The following RALGPS2 variants were observed in gnomAD, a reference collection of about 807,000 sequenced individuals.
The protein encoded by RALGPS2 is Ral GEF with PH domain and SH3 binding motif 2.
Under a neutral mutation model 86.8 loss-of-function variants are expected in RALGPS2, and 43 were observed. That is an observed-to-expected ratio of 0.50 (90% confidence interval 0.39 to 0.64). The LOEUF is 0.64. Among genes scored for constraint, RALGPS2 ranks in the 30% least tolerant of loss-of-function variants. The pLI, the probability that RALGPS2 is intolerant of heterozygous loss-of-function variation, is 0.00. For synonymous variants in RALGPS2, 243 were observed against 231.3 expected (o/e 1.05, Z -0.46); for missense variants, 536 against 694.6 (o/e 0.77, Z 2.57).
At chr1:178,726,043 G>T (rs924847107) in intron 1 of RALGPS2, 9 of 152,324 alleles carry the variant, frequency 5.9e-5, no homozygotes, top group African/African-American at 2.2e-4. Context: ...CGGGCGCGCG[G>T]GCCGGGTGTG....
At chr1:178,905,509 C>G (rs1321348725) in intron 18 of RALGPS2, among the ~76,000 whole-genome samples, 1 of 152,066 alleles carries the variant, frequency 6.6e-6, no homozygotes, top group Non-Finnish European at 1.5e-5. Context: ...CTTGACTAAA[C>G]ATTTGGTGAA....
intron 8 of RALGPS2, among the ~76,000 whole-genome samples, chr1:178,846,161 TGTAG>T (rs1219965604): frequency 6.6e-6 from 1 of 152,236 alleles, no homozygotes; most frequent in Non-Finnish European, 1.5e-5. Flanking sequence ...TTTGCTGATC[TGTAG>T]GAATTAAAAG....
chr1:178,762,207 T>C (rs1172841522), intron 1 of RALGPS2, among the ~76,000 whole-genome samples: 1 of 152,210 alleles, frequency 6.6e-6, no homozygotes, highest in Non-Finnish European at 1.5e-5. Flanking sequence ...TATGGCTGTG[T>C]AGTATTCCAT....
At chr1:178,910,616 T>C (rs1438019739) in intron 19 of RALGPS2, among the ~76,000 whole-genome samples, 2 of 152,218 alleles carry the variant, frequency 1.3e-5, no homozygotes, top group African/African-American at 2.4e-5. Context: ...TAAAGTCTAC[T>C]TGATTGTGGT....
chr1:178,871,608 A>G (rs1658764321), intron 8 of RALGPS2, among the ~76,000 whole-genome samples: 1 of 152,240 alleles, frequency 6.6e-6, no homozygotes, highest in African/African-American at 2.4e-5. Context: ...GTGTCTTAAG[A>G]TAAAACAGCC....
chr1:178,741,604 A>G (rs1466433162), intron 1 of RALGPS2, among the ~76,000 whole-genome samples: 1 of 152,192 alleles, frequency 6.6e-6, no homozygotes, highest in African/African-American at 2.4e-5. Context: ...CTGAAGGAAG[A>G]CCATGGTAAG....
intron 1 of RALGPS2, among the ~76,000 whole-genome samples, chr1:178,765,611 G>C (rs1652464594): frequency 6.6e-6 from 1 of 152,178 alleles, no homozygotes; most frequent in South Asian, 2.1e-4. Context: ...TTTGAGAGCA[G>C]ATAACCGGTC....
chr1:178,883,757 G>A (rs547063681), intron 11 of RALGPS2, among the ~76,000 whole-genome samples: 4 of 152,158 alleles, frequency 2.6e-5, no homozygotes, highest in East Asian at 1.9e-4. Flanking sequence ...AGGCCGAGGC[G>A]GGCGGATCAC....
chr1:178,894,041 T>C lies in RALGPS2; in HGVS notation c.1431+17T>C, dbSNP rs368207015. 2.0e-5 allele frequency: 29 copies of C among 1,444,990 alleles called. No homozygotes were observed. Among genetic ancestry groups the C allele is most frequent in the Non-Finnish European group, 2.6e-5 (27 of 1,039,960 alleles). 89.5% of individuals were successfully genotyped at this position (1,444,990 alleles called of 1,614,324 possible). On this transcript the variant is annotated intron_variant, in intron 16 of 19. Coordinates refer to ENST00000367635, the MANE Select transcript of RALGPS2 (RefSeq NM_152663.5). ...AAGCCTACAGTAAGATTTCATCATATTATATTTTAATACACCTCTAAAAAT... is the reference window on the plus strand; with the variant it reads ...AAGCCTACAGTAAGATTTCATCATACTATATTTTAATACACCTCTAAAAAT...
chr1:178,773,958 A>T (rs1384800632), intron 1 of RALGPS2, among the ~76,000 whole-genome samples: 1 of 152,220 alleles, frequency 6.6e-6, no homozygotes, highest in Non-Finnish European at 1.5e-5. Flanking sequence ...AAAGCAGAGA[A>T]GGCCAGGTGC....
intron 9 of RALGPS2, 137 bp from the exon 10 acceptor site, chr1:178,878,765 A>T (rs548412286): frequency 8.9e-6 from 10 of 1,126,964 alleles, no homozygotes; most frequent in Middle Eastern, 2.9e-4. Context: ...AGTTTATCTC[A>T]GTAATGTCCT....
At chr1:178,746,832 C>G (rs974637526) in intron 1 of RALGPS2, 23 of 1,171,316 alleles carry the variant, frequency 2.0e-5, no homozygotes, top group Non-Finnish European at 2.7e-5. Flanking sequence ...TCCATTGTAT[C>G]TTGCATTTTA....
At chr1:178,765,817 T>C (rs1652477349) in intron 1 of RALGPS2, among the ~76,000 whole-genome samples, 1 of 152,228 alleles carries the variant, frequency 6.6e-6, no homozygotes, top group Admixed American at 6.5e-5. Context: ...AATTCAGCGA[T>C]ACTTCTCCTA....
intron 1 of RALGPS2, chr1:178,747,712 G>A (rs1651415678): frequency 2.9e-6 from 4 of 1,373,042 alleles, no homozygotes; most frequent in Middle Eastern, 2.1e-4. Context: ...CAGCGATGCT[G>A]AGCATCCAAC....
intron 1 of RALGPS2, among the ~76,000 whole-genome samples, chr1:178,733,710 TGG>T (rs1395604718): frequency 6.6e-6 from 1 of 152,220 alleles, no homozygotes; most frequent in African/African-American, 2.4e-5. Flanking sequence ...GTTTCATGTC[TGG>T]GGATAGACCT....
At chr1:178,789,489 TC>T (rs1310243553) in intron 4 of RALGPS2, among the ~76,000 whole-genome samples, 1 of 152,238 alleles carries the variant, frequency 6.6e-6, no homozygotes, top group Non-Finnish European at 1.5e-5. Context: ...GGGCTGCTAT[TC>T]ATATAAAATA....
chr1:178,755,415 C>T (rs1042062801), intron 1 of RALGPS2, among the ~76,000 whole-genome samples: 3 of 152,164 alleles, frequency 2.0e-5, no homozygotes, highest in Non-Finnish European at 4.4e-5. Flanking sequence ...TTAGCTCCCA[C>T]TTATAAGTGA....
At chr1:178,824,951 A>T (rs1398471716) in intron 7 of RALGPS2, among the ~76,000 whole-genome samples, 1 of 152,212 alleles carries the variant, frequency 6.6e-6, no homozygotes, top group African/African-American at 2.4e-5. Flanking sequence ...CCTCAGACAT[A>T]AAAAAGCAAG....
intron 2 of RALGPS2, among the ~76,000 whole-genome samples, chr1:178,780,159 A>C (rs1261984995): frequency 1.3e-5 from 2 of 152,092 alleles, no homozygotes. Context: ...CTCCTTTTCC[A>C]TATTCTGCTG....
Sources: gnomAD v4.1 joint callset for allele counts (sites outside exome capture counted in the v4.1 genomes callset) on GRCh38, gnomAD v4.1.1 for gene constraint, MANE v1.5 for transcripts, NCBI Gene and HGNC (gene_info 2026-07-23, HGNC 2026-07-21) for gene names.